Variants in TSPAN12 observed in about 807,000 individuals in gnomAD.
TSPAN12 encodes tetraspanin-12.
A neutral mutation model predicts 39.2 loss-of-function variants in TSPAN12; 19 were observed. The observed-to-expected ratio is 0.49, with a 90% CI of 0.34 to 0.71. The LOEUF (loss-of-function observed/expected upper bound fraction) is 0.71. Among genes scored for constraint, TSPAN12 ranks in the 30% least tolerant of loss-of-function variants. The probability of loss-of-function intolerance (pLI) is 0.01; values close to 1 mark genes in which losing one functional copy is unlikely to be tolerated. For missense variants in TSPAN12, 314 were observed against 359.9 expected, an observed-to-expected ratio of 0.87 and a Z score of 1.03; for synonymous variants, 119 against 124.8, an observed-to-expected ratio of 0.95 and a Z score of 0.31.
In TSPAN12 at chr7:120,788,396, A is replaced by T. The variant is rs572356695; in HGVS notation, c.*196T>A. The T allele has an allele frequency of 1.6e-6, 1 of 636,756 alleles. No homozygotes were observed. The highest frequency in any genetic ancestry group is 2.7e-6 in the Non-Finnish European group (1 of 372,270). 39.4% of individuals were successfully genotyped at this position (636,756 alleles called of 1,614,324 possible). ...CATCTGTCTTCAGCATTTTAAGGGC[A>T]TCAATTATTGTCCAGGTGGTGACTT... On this transcript the variant is annotated 3_prime_UTR_variant, in exon 8 of 8. Transcript: ENST00000222747.
intron 4 of TSPAN12, among the ~76,000 whole-genome samples, chr7:120,823,072 T>G (rs967496803): frequency 1.3e-5 from 2 of 152,170 alleles, no homozygotes; most frequent in African/African-American, 4.8e-5. Flanking sequence ...TTAAAAATTT[T>G]CCTATGAATG....
Position 120,853,769 on chromosome 7 carries a change from G to A in TSPAN12, c.66+2929C>T, listed in dbSNP as rs936768625. Among the ~76,000 whole-genome samples, 5 of 150,492 alleles carry A rather than the reference G, an allele frequency of 3.3e-5. No individual in the cohort carries two copies. In the East Asian group the frequency reaches 9.9e-4, roughly 30 times the overall value. The stretch of plus-strand genomic sequence containing the variant: ...CACACCTGTAGTCCCAGCTACTCAG[G>A]AGGCTGAGGCAGGAGAATCGCCTGA... On this transcript the variant is annotated intron_variant, in intron 2 of 7. Transcript: ENST00000222747.
At chr7:120,802,006 A>G (rs1319265160) in intron 7 of TSPAN12, among the ~76,000 whole-genome samples, 3 of 152,226 alleles carry the variant, frequency 2.0e-5, no homozygotes, top group Non-Finnish European at 2.9e-5. Flanking sequence ...TCCCAGCTCT[A>G]TAAAGACTTA....
intron 7 of TSPAN12, among the ~76,000 whole-genome samples, chr7:120,805,336 C>T (rs1793851230): frequency 6.6e-6 from 1 of 152,028 alleles, no homozygotes; most frequent in Admixed American, 6.6e-5. Context: ...ATTGACTGCC[C>T]ATCTCAACAA....
chr7:120,788,958 T>A, intron 7 of TSPAN12, 61 bp from the exon 8 acceptor site: 1 of 1,537,136 alleles, frequency 6.5e-7, no homozygotes, highest in Non-Finnish European at 9.0e-7. Context: ...CAAAAATAGT[T>A]AATGAAAGCA....
At chr7:120,822,955 G>A (rs548432315) in intron 4 of TSPAN12, among the ~76,000 whole-genome samples, 123 of 152,258 alleles carry the variant, frequency 8.1e-4, no homozygotes, top group African/African-American at 2.9e-3. Flanking sequence ...GACAGCAAAC[G>A]AGTGTCTTCA....
chr7:120,840,630 A>C (rs1052238980), intron 2 of TSPAN12, among the ~76,000 whole-genome samples: 1 of 152,248 alleles, frequency 6.6e-6, no homozygotes, highest in African/African-American at 2.4e-5. Context: ...AAACTCATAC[A>C]CATATATGTG....
intron 7 of TSPAN12, 72 bp downstream of exon 7, chr7:120,806,477 A>G (rs1422543424): frequency 6.4e-7 from 1 of 1,556,820 alleles, no homozygotes; most frequent in African/African-American, 1.4e-5. Context: ...TTTCATTGGC[A>G]TATTGTTGAT....
At chr7:120,825,701 G>A (rs1414659561) in intron 4 of TSPAN12, among the ~76,000 whole-genome samples, 1 of 152,108 alleles carries the variant, frequency 6.6e-6, no homozygotes, top group African/African-American at 2.4e-5. Flanking sequence ...AGTAAATAAG[G>A]GAATTCCATT....
At chr7:120,841,338 G>A (rs745767344) in intron 2 of TSPAN12, among the ~76,000 whole-genome samples, 6 of 152,074 alleles carry the variant, frequency 3.9e-5, no homozygotes, top group African/African-American at 1.2e-4. Flanking sequence ...ATGCCACCAC[G>A]GGAAGCAATT....
chr7:120,803,655 A>G (rs1054939670), intron 7 of TSPAN12, among the ~76,000 whole-genome samples: 1 of 152,196 alleles, frequency 6.6e-6, no homozygotes, highest in Non-Finnish European at 1.5e-5. Flanking sequence ...TCTTAGCTGG[A>G]AGTCTGTGTC....
At chr7:120,806,964 T>A (rs1185643402) in intron 6 of TSPAN12, among the ~76,000 whole-genome samples, 2 of 152,082 alleles carry the variant, frequency 1.3e-5, no homozygotes, top group Non-Finnish European at 2.9e-5. Flanking sequence ...TGTAAGCTCA[T>A]CTACAAGTGA....
At chr7:120,789,529 A>G (rs1043712886) in intron 7 of TSPAN12, among the ~76,000 whole-genome samples, 1 of 152,246 alleles carries the variant, frequency 6.6e-6, no homozygotes, top group Non-Finnish European at 1.5e-5. Flanking sequence ...TAGACATCAC[A>G]AAGACAACTC....
chr7:120,822,215 C>T (rs1266747090), intron 4 of TSPAN12, among the ~76,000 whole-genome samples: 2 of 151,942 alleles, frequency 1.3e-5, no homozygotes, highest in African/African-American at 4.8e-5. Flanking sequence ...GATTAATTCC[C>T]CCCACTTTTA....
intron 4 of TSPAN12, among the ~76,000 whole-genome samples, chr7:120,829,295 T>C (rs528687121): frequency 1.2e-3 from 183 of 152,198 alleles, no homozygotes; most frequent in Non-Finnish European, 6.3e-4. Flanking sequence ...TTTTAAAATT[T>C]ATATAGTTTC....
chr7:120,838,047 C>T (rs1305825981), intron 4 of TSPAN12, among the ~76,000 whole-genome samples: 8 of 152,160 alleles, frequency 5.3e-5, no homozygotes, highest in Admixed American at 5.2e-4. Context: ...AGCGTATACT[C>T]AATGAATTAA....
intron 2 of TSPAN12, among the ~76,000 whole-genome samples, chr7:120,851,030 A>G (rs992839802): frequency 6.6e-6 from 1 of 152,184 alleles, no homozygotes; most frequent in Admixed American, 6.5e-5. Flanking sequence ...ATTTTAAAAG[A>G]CCACAAATAT....
chr7:120,853,836 TG>T (rs1275636813), intron 2 of TSPAN12, among the ~76,000 whole-genome samples: 1 of 143,016 alleles, frequency 7.0e-6, no homozygotes, highest in East Asian at 2.1e-4. Context: ...ATTGCGCCAC[TG>T]GACTGCAGCC....
chr7:120,841,436 GGA>G (rs1794576179), intron 2 of TSPAN12, among the ~76,000 whole-genome samples: 1 of 151,930 alleles, frequency 6.6e-6, no homozygotes, highest in Non-Finnish European at 1.5e-5. Flanking sequence ...AAAACAAAAA[GGA>G]GAGAAGGAGA....
Sources: allele counts gnomAD v4.1 joint callset (sites outside exome capture counted in the v4.1 genomes callset), GRCh38; gene constraint gnomAD v4.1.1; transcripts MANE v1.5; gene names NCBI Gene and HGNC (gene_info 2026-07-23, HGNC 2026-07-21).